Variants in SCAI observed in about 807,000 individuals in gnomAD.
SCAI encodes protein SCAI.
In SCAI, 24 loss-of-function variants were observed where a neutral mutation model predicts 92.2. The ratio of observed to expected loss-of-function variants is 0.26; its 90% CI spans 0.19 to 0.37. The LOEUF is 0.37. SCAI is among the 10% of genes least tolerant of loss of function. The pLI is 1.00. For synonymous variants in SCAI, 261 were observed against 258.6 expected (o/e 1.01, Z -0.09); for missense variants, 450 against 736.2 (o/e 0.61, Z 4.50).
intron 9 of SCAI, among the ~76,000 whole-genome samples, chr9:125,009,870 G>C (rs1378257973): frequency 2.6e-5 from 4 of 152,058 alleles, no homozygotes; most frequent in Non-Finnish European, 4.4e-5. Context: ...TCCAGCCTGA[G>C]GGACAGAGTG....
intron 3 of SCAI, among the ~76,000 whole-genome samples, chr9:125,036,321 CT>C (rs1278576665): frequency 1.2e-4 from 18 of 152,124 alleles, no homozygotes; most frequent in Non-Finnish European, 2.4e-4. Context: ...ATTCCTGCTA[CT>C]ATTTCTATGG....
intron 3 of SCAI, among the ~76,000 whole-genome samples, chr9:125,050,648 T>A (rs1447303757): frequency 6.6e-6 from 1 of 151,962 alleles, no homozygotes; most frequent in South Asian, 2.1e-4. Context: ...ACATAGCTCA[T>A]TGCAGCTTCA....
intron 2 of SCAI, among the ~76,000 whole-genome samples, chr9:125,089,244 G>A (rs1184034316): frequency 6.6e-6 from 1 of 152,148 alleles, no homozygotes. Context: ...CAAATTTAAT[G>A]ATTCAATAAA....
At chr9:125,024,591 TAAC>T (rs1832933257) in intron 6 of SCAI, among the ~76,000 whole-genome samples, 2 of 152,110 alleles carry the variant, frequency 1.3e-5, no homozygotes, top group South Asian at 4.1e-4. Flanking sequence ...TTTAAGCTCT[TAAC>T]AAACTTCTGG....
At chr9:124,968,232 T>C in intron 17 of SCAI, 1 of 990,466 alleles carries the variant, frequency 1.0e-6, no homozygotes, top group Admixed American at 2.1e-5. Flanking sequence ...AGACCTCAGC[T>C]GCATAATGAA....
intron 2 of SCAI, among the ~76,000 whole-genome samples, chr9:125,137,926 G>A (rs972571111): frequency 6.6e-6 from 1 of 152,202 alleles, no homozygotes; most frequent in South Asian, 2.1e-4. Context: ...AAAAACTCAC[G>A]TTTGATTTTA....
At chr9:124,981,478 C>T (rs1831884703) in intron 14 of SCAI, among the ~76,000 whole-genome samples, 1 of 152,094 alleles carries the variant, frequency 6.6e-6, no homozygotes, top group African/African-American at 2.4e-5. Context: ...TTTAATTGAA[C>T]ATACTTTTAG....
At chr9:124,987,265 G>A (rs138762289) in intron 14 of SCAI, among the ~76,000 whole-genome samples, 1,801 of 152,060 alleles carry the variant, frequency 0.012, 90 homozygotes, top group Admixed American at 0.083. Context: ...CTTGTGATCC[G>A]CCTGCCTCGG....
intron 3 of SCAI, among the ~76,000 whole-genome samples, chr9:125,030,826 G>T (rs181902021): frequency 1.3e-5 from 2 of 152,122 alleles, no homozygotes; most frequent in Non-Finnish European, 2.9e-5. Flanking sequence ...ATGAGAAAAA[G>T]ATGAACTCAG....
intron 3 of SCAI, among the ~76,000 whole-genome samples, chr9:125,039,304 C>CTGAATCT (rs1833267411): frequency 6.7e-6 from 1 of 149,992 alleles, no homozygotes; most frequent in Admixed American, 6.7e-5. Flanking sequence ...GGAGAATCGC[C>CTGAATCT]TGAATCTGGG....
At chr9:124,956,377 C>T (rs994787593) in intron 17 of SCAI, among the ~76,000 whole-genome samples, 1 of 152,174 alleles carries the variant, frequency 6.6e-6, no homozygotes, top group Non-Finnish European at 1.5e-5. Flanking sequence ...CGCCACCACG[C>T]CTGGCTAATT....
At chr9:125,002,914 C>T (rs1392818902) in intron 11 of SCAI, among the ~76,000 whole-genome samples, 200 bp downstream of exon 11, 1 of 150,110 alleles carries the variant, frequency 6.7e-6, no homozygotes, top group Non-Finnish European at 1.5e-5. Flanking sequence ...ACAGCTATTT[C>T]ACAGCTTACC....
chr9:125,072,515 T>C (rs1385384826), intron 2 of SCAI, among the ~76,000 whole-genome samples: 1 of 152,146 alleles, frequency 6.6e-6, no homozygotes, highest in Non-Finnish European at 1.5e-5. Flanking sequence ...CTATGACTTA[T>C]TTTTTTACTT....
At chr9:125,097,835 A>G (rs950417243) in intron 2 of SCAI, among the ~76,000 whole-genome samples, 5 of 151,892 alleles carry the variant, frequency 3.3e-5, no homozygotes, top group African/African-American at 1.2e-4. Flanking sequence ...AAGAATTAAA[A>G]TAATAGCAAT....
intron 2 of SCAI, among the ~76,000 whole-genome samples, chr9:125,058,101 T>TA (rs34425131): frequency 0.7 from 104,965 of 149,272 alleles, 37,083 homozygotes; most frequent in Admixed American, 0.74. Context: ...CCCATTTCTT[T>TA]AAAAAAAAAA....
At chr9:124,981,342 G>A (rs528055019) in intron 14 of SCAI, among the ~76,000 whole-genome samples, 1 of 152,030 alleles carries the variant, frequency 6.6e-6, no homozygotes, top group Non-Finnish European at 1.5e-5. Flanking sequence ...TTACTGTTTT[G>A]TGTCCTCTTC....
At chr9:125,042,642 C>CAA (rs1833344758) in intron 3 of SCAI, among the ~76,000 whole-genome samples, 8 of 84,176 alleles carry the variant, frequency 9.5e-5, no homozygotes, top group Non-Finnish European at 1.7e-4. Flanking sequence ...TGTACACACA[C>CAA]ACACACACAC....
intron 15 of SCAI, chr9:124,974,280 CA>C (rs577939402): frequency 8.9e-3 from 3,188 of 357,980 alleles, no homozygotes; most frequent in South Asian, 0.014. Context: ...CCAGTCCCTA[CA>C]AAAAAAAAAT....
At chr9:124,977,305 A>G (rs78446160) in intron 14 of SCAI, among the ~76,000 whole-genome samples, 3,049 of 152,318 alleles carry the variant, frequency 0.02, 94 homozygotes, top group African/African-American at 0.069. Context: ...TAAAGTTCAT[A>G]TGGAAAAACT....
Sources: gnomAD v4.1 joint callset for allele counts (sites outside exome capture counted in the v4.1 genomes callset) on GRCh38, gnomAD v4.1.1 for gene constraint, MANE v1.5 for transcripts, NCBI Gene and HGNC (gene_info 2026-07-23, HGNC 2026-07-21) for gene names.